MAP2K4: variants seen among roughly 807,000 people sequenced by gnomAD.
MAP2K4 encodes dual specificity mitogen-activated protein kinase kinase 4.
Under a neutral mutation model 48.5 loss-of-function variants are expected in MAP2K4, and 4 were observed. The ratio of observed to expected loss-of-function variants is 0.08; its 90% confidence interval spans 0.04 to 0.19. MAP2K4 has a LOEUF of 0.19. MAP2K4 is among the 10% of genes least tolerant of loss of function. The pLI, the probability that MAP2K4 is intolerant of heterozygous loss-of-function variation, is 1.00. For missense variants in MAP2K4, 258 were observed against 493.3 expected (o/e 0.52, Z 4.52); for synonymous variants, 166 against 173.1 (o/e 0.96, Z 0.32).
intron 9 of MAP2K4, among the ~76,000 whole-genome samples, chr17:12,132,253 A>C (rs912220473): frequency 2.0e-5 from 3 of 152,232 alleles, no homozygotes; most frequent in African/African-American, 7.2e-5. Context: ...TACCCAACAA[A>C]AGTGTGGACA....
chr17:12,052,858 C>T (rs1275891991), intron 1 of MAP2K4, among the ~76,000 whole-genome samples: 1 of 152,040 alleles, frequency 6.6e-6, no homozygotes, highest in East Asian at 1.9e-4. Context: ...CTTTGGGGAC[C>T]ACCATTCAGC....
chr17:12,023,085 T>G (rs1969141849), intron 1 of MAP2K4, among the ~76,000 whole-genome samples: 1 of 152,208 alleles, frequency 6.6e-6, no homozygotes, highest in African/African-American at 2.4e-5. Flanking sequence ...ACCTAAGACC[T>G]CTCTATGAAT....
chr17:12,125,088 G>A (rs186729726), intron 7 of MAP2K4: 73 of 547,420 alleles, frequency 1.3e-4, no homozygotes, highest in Admixed American at 3.0e-4. Context: ...GAATTGCTTA[G>A]TGTTCTCTTT....
At chr17:12,080,097 A>G (rs1448376333) in intron 2 of MAP2K4, among the ~76,000 whole-genome samples, 3 of 152,172 alleles carry the variant, frequency 2.0e-5, no homozygotes, top group African/African-American at 7.2e-5. Context: ...GTAACTTTGA[A>G]CCTTAATATT....
intron 7 of MAP2K4, among the ~76,000 whole-genome samples, chr17:12,114,671 C>CGATACTAACA (rs1972428165): frequency 6.6e-6 from 1 of 151,914 alleles, no homozygotes; most frequent in African/African-American, 2.4e-5. Flanking sequence ...GGGCTTGTCT[C>CGATACTAACA]GATACTAACA....
At chr17:12,049,000 C>T (rs1267390824) in intron 1 of MAP2K4, among the ~76,000 whole-genome samples, 1 of 152,108 alleles carries the variant, frequency 6.6e-6, no homozygotes, top group African/African-American at 2.4e-5. Context: ...TTAGGTCTCT[C>T]ATTACCGTAG....
At chr17:12,027,401 T>C (rs961414918) in intron 1 of MAP2K4, among the ~76,000 whole-genome samples, 2 of 152,134 alleles carry the variant, frequency 1.3e-5, no homozygotes, top group African/African-American at 2.4e-5. Context: ...CGAGCTATAT[T>C]GTATTTCATT....
chr17:12,043,138 G>T (rs1363804855), intron 1 of MAP2K4, among the ~76,000 whole-genome samples: 1 of 152,030 alleles, frequency 6.6e-6, no homozygotes, highest in African/African-American at 2.4e-5. Context: ...TTTCATACCT[G>T]TTTGTAAATC....
chr17:12,143,785 A>C lies in MAP2K4; in HGVS notation c.*2525A>C, dbSNP rs1973448279. On this transcript the variant is annotated 3_prime_UTR_variant, in exon 11 of 11. Coordinates refer to ENST00000353533, the MANE Select transcript of MAP2K4 (RefSeq NM_003010.4). The stretch of plus-strand genomic sequence containing the variant: ...AGACCCTGAGAGGGGAAAATCTTAA[A>C]GTAAATTACATTAAATTATCTGTGC... 1 of 228,112 alleles carries C rather than the reference A, an allele frequency of 4.4e-6. No homozygotes were observed. The highest frequency in any genetic ancestry group is 8.7e-6 in the Non-Finnish European group (1 of 114,826). 14.1% of individuals were successfully genotyped at this position (228,112 alleles called of 1,614,324 possible).
chr17:12,048,003 A>G (rs34400525), intron 1 of MAP2K4, among the ~76,000 whole-genome samples: 1 of 152,112 alleles, frequency 6.6e-6, no homozygotes, highest in Non-Finnish European at 1.5e-5. Context: ...TTTCTTTCCT[A>G]TTCCTACCCT....
chr17:12,038,688 C>G (rs1268248280), intron 1 of MAP2K4, among the ~76,000 whole-genome samples: 1 of 152,092 alleles, frequency 6.6e-6, no homozygotes, highest in African/African-American at 2.4e-5. Flanking sequence ...CTGCTCTAAG[C>G]ACTTTATATT....
intron 7 of MAP2K4, among the ~76,000 whole-genome samples, chr17:12,114,120 T>G (rs1212933074): frequency 6.6e-6 from 1 of 152,196 alleles, no homozygotes; most frequent in Non-Finnish European, 1.5e-5. Context: ...TTTCCATCTT[T>G]GTAGACTGTT....
chr17:12,044,977 G>A (rs1035982843), intron 1 of MAP2K4, among the ~76,000 whole-genome samples: 1 of 152,216 alleles, frequency 6.6e-6, no homozygotes, highest in African/African-American at 2.4e-5. Flanking sequence ...AAGGAGTTGT[G>A]TGCCAGGAAA....
At chr17:12,126,820 C>G (rs964119792) in intron 8 of MAP2K4, among the ~76,000 whole-genome samples, 11 of 152,190 alleles carry the variant, frequency 7.2e-5, no homozygotes, top group African/African-American at 1.9e-4. Context: ...CCAGGACTTG[C>G]TGGGTTTTTC....
chr17:12,068,856 G>A (rs1380382319), intron 2 of MAP2K4, among the ~76,000 whole-genome samples: 2 of 151,990 alleles, frequency 1.3e-5, no homozygotes, highest in Non-Finnish European at 2.9e-5. Context: ...TGAGTCTGGT[G>A]CCAGAAGTGA....
rs28921104 is a variant in MAP2K4 at position 12,140,301 on chromosome 17, A to G, written c.1086+417A>G. Among the ~76,000 whole-genome samples the G allele has an allele frequency of 9.2e-4, 140 of 152,268 alleles. 1 individual carries two copies. Among genetic ancestry groups the G allele is most frequent in the African/African-American group, 3.0e-3 (123 of 41,548 alleles). On this transcript the variant is annotated intron_variant, in intron 10 of 10. Transcript: ENST00000353533. Reference sequence around the variant, plus strand: ...TTCTTTGAAAGTTCTCATTCATCCCATGGAACTTGGGTGTTTTAAGCAGTC... The same window carrying G: ...TTCTTTGAAAGTTCTCATTCATCCCGTGGAACTTGGGTGTTTTAAGCAGTC...
rs936598918 is a variant in MAP2K4, at chr17:12,102,448, T to G, written c.514-5342T>G. ...ATTTAGCTAATTTGCTAAAATTCATTTAAAATTTTTGTATCTATGAGAGAC... is the reference window on the plus strand; with the variant it reads ...ATTTAGCTAATTTGCTAAAATTCATGTAAAATTTTTGTATCTATGAGAGAC... On this transcript the variant is annotated intron_variant, in intron 4 of 10. Transcript: ENST00000353533. Among the ~76,000 whole-genome samples the G allele has an allele frequency of 1.4e-4, 21 of 152,308 alleles. No individual in the cohort carries two copies. In the East Asian group the frequency reaches 3.7e-3, roughly 27 times the overall value.
chr17:12,032,634 G>T (rs1227123168), intron 1 of MAP2K4, among the ~76,000 whole-genome samples: 2 of 152,070 alleles, frequency 1.3e-5, no homozygotes, highest in Non-Finnish European at 2.9e-5. Context: ...TAAGATCGTG[G>T]TGCAGAAAGT....
chr17:12,125,439 C>T, intron 8 of MAP2K4, 68 bp downstream of exon 8: 3 of 1,212,076 alleles, frequency 2.5e-6, no homozygotes, highest in Non-Finnish European at 3.7e-6. Flanking sequence ...TGAAAGAAAA[C>T]TTAATCAGAC....
Sources: gnomAD v4.1 joint callset for allele counts (sites outside exome capture counted in the v4.1 genomes callset) on GRCh38, gnomAD v4.1.1 for gene constraint, MANE v1.5 for transcripts, NCBI Gene and HGNC (gene_info 2026-07-23, HGNC 2026-07-21) for gene names.